Variants in DTL observed in about 807,000 individuals in gnomAD.
The protein encoded by DTL is denticleless protein homolog.
DTL carries 46 observed loss-of-function variants against 87.0 expected under a neutral mutation model. The ratio of observed to expected loss-of-function variants is 0.53; its 90% confidence interval spans 0.42 to 0.68. The LOEUF (loss-of-function observed/expected upper bound fraction) is 0.68, where lower values mean the gene tolerates loss of function less well. Among genes scored for constraint, DTL ranks in the 30% least tolerant of loss-of-function variants. The pLI, the probability that DTL is intolerant of heterozygous loss-of-function variation, is 0.00. For synonymous variants in DTL, 308 were observed against 311.2 expected (o/e 0.99, Z 0.11); for missense variants, 737 against 869.4 (o/e 0.85, Z 1.91).
chr1:212,084,796 C>T (rs1318740014), intron 13 of DTL, among the ~76,000 whole-genome samples: 1 of 152,178 alleles, frequency 6.6e-6, no homozygotes, highest in Non-Finnish European at 1.5e-5. Context: ...CCTCCTAACA[C>T]AGGGTCATGA....
chr1:212,045,372 A>G (rs1667776818), intron 3 of DTL, among the ~76,000 whole-genome samples: 1 of 152,230 alleles, frequency 6.6e-6, no homozygotes, highest in Non-Finnish European at 1.5e-5. Flanking sequence ...TAAGAAAAAT[A>G]CTTTTTAGGA....
intron 5 of DTL, among the ~76,000 whole-genome samples, chr1:212,057,984 G>A (rs1322140630): frequency 1.3e-5 from 2 of 152,066 alleles, no homozygotes; most frequent in Non-Finnish European, 2.9e-5. Context: ...AAGAAACGAA[G>A]GTTATTCTAT....
At chr1:212,047,542 T>A in intron 5 of DTL, 125 bp downstream of exon 5, 1 of 1,323,932 alleles carries the variant, frequency 7.6e-7, no homozygotes, top group Admixed American at 2.2e-5. Flanking sequence ...ATGATTAAGA[T>A]TCTTTTTTTG....
At chr1:212,050,558 A>G (rs1667941850) in intron 5 of DTL, among the ~76,000 whole-genome samples, 1 of 152,164 alleles carries the variant, frequency 6.6e-6, no homozygotes, top group Admixed American at 6.5e-5. Context: ...ATCTCTTGCA[A>G]GTGGGCCAGG....
At chr1:212,100,060 T>C (rs1305857972) in intron 13 of DTL, among the ~76,000 whole-genome samples, 192 bp from the exon 14 acceptor site, 2 of 152,146 alleles carry the variant, frequency 1.3e-5, no homozygotes, top group Non-Finnish European at 2.9e-5. Flanking sequence ...AATGGGATAG[T>C]TGGGAGGTTG....
intron 11 of DTL, among the ~76,000 whole-genome samples, chr1:212,074,936 A>ATAT (rs1291809209): frequency 7.9e-5 from 12 of 152,142 alleles, no homozygotes; most frequent in African/African-American, 2.7e-4. Flanking sequence ...AAAAGATTTA[A>ATAT]TATTATACCT....
At chr1:212,059,302 T>TAA (rs558660938) in intron 5 of DTL, among the ~76,000 whole-genome samples, 3,820 of 142,518 alleles carry the variant, frequency 0.027, 57 homozygotes, top group African/African-American at 0.048. Flanking sequence ...AACAGCACAT[T>TAA]AAAAAAAAAA....
At chr1:212,091,113 G>A (rs1655268169) in intron 13 of DTL, among the ~76,000 whole-genome samples, 1 of 152,108 alleles carries the variant, frequency 6.6e-6, no homozygotes, top group Non-Finnish European at 1.5e-5. Flanking sequence ...TTAAGAAGCA[G>A]GTTATTCCTA....
chr1:212,068,443 T>C, intron 9 of DTL, 116 bp downstream of exon 9: 1 of 856,812 alleles, frequency 1.2e-6, no homozygotes, highest in Non-Finnish European at 1.8e-6. Flanking sequence ...GTTCAAAAGA[T>C]AAAAACTCAG....
At chr1:212,097,323 C>G (rs145778812) in intron 13 of DTL, among the ~76,000 whole-genome samples, 2,458 of 152,146 alleles carry the variant, frequency 0.016, 38 homozygotes, top group South Asian at 0.1. Context: ...GACTGTGTGT[C>G]TAGGTGATGA....
At chr1:212,078,394 G>T in intron 12 of DTL, 132 bp downstream of exon 12, 1 of 608,330 alleles carries the variant, frequency 1.6e-6, no homozygotes, top group South Asian at 2.1e-5. Flanking sequence ...AGGCCATCCA[G>T]GATCTATATT....
rs113632113 is a variant in DTL, at chr1:212,091,938, G to A, written c.1262-8314G>A. Among the ~76,000 whole-genome samples, 1,187 of 152,174 alleles carry A rather than the reference G, an allele frequency of 7.8e-3. 19 individuals carry two copies. The highest frequency in any genetic ancestry group is 0.026 in the African/African-American group (1,086 of 41,528). ...AAATTTGCTTGAGATAAAATATTAC[G>A]AAATAGTATATATATAGTGATCTCT... On this transcript the variant is annotated intron_variant, in intron 13 of 14. Transcript: ENST00000366991.
At chr1:212,068,562 T>C (rs1654579097) in intron 9 of DTL, 37 bp from the exon 10 acceptor site, 4 of 1,302,386 alleles carry the variant, frequency 3.1e-6, no homozygotes, top group Non-Finnish European at 4.4e-6. Context: ...CTACTCACCA[T>C]CATCAGGACG....
intron 11 of DTL, 23 bp from the exon 12 acceptor site, chr1:212,078,150 T>C: frequency 7.0e-7 from 1 of 1,435,280 alleles, no homozygotes; most frequent in Non-Finnish European, 9.8e-7. Flanking sequence ...CTTTGCTGAC[T>C]TGTTTGTTTT....
chr1:212,102,871 A>C lies in DTL; in HGVS notation c.2124A>C (p.Lys708Asn). ...PVTITPSSMR[K>N]ICTYFHRKSQ... Reference sequence around the variant, plus strand: ...CCATCACGCCCAGCTCCATGAGGAAAATCTGCACATACTTCCATAGAAAGT... The same window carrying C: ...CCATCACGCCCAGCTCCATGAGGAACATCTGCACATACTTCCATAGAAAGT... The change falls in exon 15 of 15, where the codon AAA becomes AAC. Residue 708 changes from lysine (K) to asparagine (N), a missense_variant. Physicochemically the swap from Lys to Asn is moderately conservative, Grantham distance 94. Transcript: ENST00000366991. The C allele has an allele frequency of 1.9e-6, 3 of 1,612,654 alleles. No homozygotes were observed. Among genetic ancestry groups the C allele is most frequent in the Non-Finnish European group, 2.5e-6 (3 of 1,179,072 alleles).
chr1:212,063,302 T>A lies in DTL; in HGVS notation c.526+353T>A, dbSNP rs202040956. On this transcript the variant is annotated intron_variant, in intron 6 of 14. Coordinates refer to ENST00000366991, the MANE Select transcript of DTL (RefSeq NM_016448.4). ...TTTTTATTTTATTATTATTATTTTT[T>A]TTTTTTTTGAGATGGAGTCTCTGTC... 1.1e-3 allele frequency among the ~76,000 whole-genome samples: 166 copies of A among 150,858 alleles called. 1 individual carries two copies. Among genetic ancestry groups the A allele is most frequent in the East Asian group, 6.6e-3 (34 of 5,182 alleles).
chr1:212,059,701 G>C (rs1432923084), intron 5 of DTL, among the ~76,000 whole-genome samples: 2 of 134,020 alleles, frequency 1.5e-5, no homozygotes, highest in Non-Finnish European at 3.1e-5. Context: ...GAAGTAAAAA[G>C]TATCCAAACT....
chr1:212,045,065 C>T (rs1180046180), intron 3 of DTL, among the ~76,000 whole-genome samples: 4 of 152,152 alleles, frequency 2.6e-5, no homozygotes, highest in Non-Finnish European at 4.4e-5. Context: ...AATCAGCTCT[C>T]CAGGGAACTA....
At chr1:212,098,655 C>T (rs746132657) in intron 13 of DTL, among the ~76,000 whole-genome samples, 1 of 152,070 alleles carries the variant, frequency 6.6e-6, no homozygotes, top group Non-Finnish European at 1.5e-5. Context: ...ATGGCTGCCT[C>T]TGCTGCTTCA....
Sources: allele counts gnomAD v4.1 joint callset (sites outside exome capture counted in the v4.1 genomes callset), GRCh38; gene constraint gnomAD v4.1.1; transcripts MANE v1.5; gene names NCBI Gene and HGNC (gene_info 2026-07-23, HGNC 2026-07-21).